The following UCK2 variants were observed in gnomAD, a reference collection of about 807,000 sequenced individuals.
UCK2 encodes the protein uridine-cytidine kinase 2.
A neutral mutation model predicts 30.8 loss-of-function variants in UCK2; 6 were observed. The observed-to-expected ratio is 0.19, with a 90% CI of 0.11 to 0.38. The LOEUF (loss-of-function observed/expected upper bound fraction) is 0.38. Ranked by LOEUF, UCK2 falls within the 10% of genes least tolerant of loss-of-function variation. The pLI, the probability that UCK2 is intolerant of heterozygous loss-of-function variation, is 1.00. For synonymous variants in UCK2, 125 were observed against 133.6 expected (o/e 0.94, Z 0.45); for missense variants, 210 against 339.8 (o/e 0.62, Z 3.00).
intron 1 of UCK2, among the ~76,000 whole-genome samples, chr1:165,861,482 G>T (rs11801732): frequency 2.7e-5 from 4 of 150,676 alleles, no homozygotes; most frequent in African/African-American, 9.8e-5. Flanking sequence ...CAAAAAATTA[G>T]CCGGGCGTAG....
intron 1 of UCK2, among the ~76,000 whole-genome samples, chr1:165,832,269 A>G (rs1257928769): frequency 6.6e-6 from 1 of 152,056 alleles, no homozygotes; most frequent in African/African-American, 2.4e-5. Flanking sequence ...TAGACTTACC[A>G]TATCTTTCTT....
chr1:165,888,945 A>G (rs1375864906), intron 1 of UCK2, among the ~76,000 whole-genome samples: 1 of 152,230 alleles, frequency 6.6e-6, no homozygotes, highest in Non-Finnish European at 1.5e-5. Context: ...CACTTGTTTC[A>G]TAATGTTCCT....
At chr1:165,846,784 T>C (rs1481109550) in intron 1 of UCK2, among the ~76,000 whole-genome samples, 3 of 152,212 alleles carry the variant, frequency 2.0e-5, no homozygotes, top group African/African-American at 7.2e-5. Context: ...ATGTTTTTCC[T>C]TTTTATTCCT....
chr1:165,902,472 A>AATT (rs1436627378), intron 4 of UCK2: 1 of 152,008 alleles, frequency 6.6e-6, no homozygotes, highest in Non-Finnish European at 1.5e-5. Flanking sequence ...CCCCTGGATA[A>AATT]AACTGACCGG....
intron 4 of UCK2, among the ~76,000 whole-genome samples, chr1:165,900,984 C>T (rs191619067): frequency 4.6e-5 from 7 of 152,196 alleles, no homozygotes; most frequent in East Asian, 1.9e-4. Context: ...AATTGGAGGC[C>T]GCGCTGGCTG....
intron 1 of UCK2, among the ~76,000 whole-genome samples, chr1:165,878,729 T>A (rs1381268469): frequency 1.3e-5 from 2 of 152,236 alleles, no homozygotes; most frequent in Non-Finnish European, 2.9e-5. Flanking sequence ...TAGTACATCT[T>A]GGTTGCTTGC....
At chr1:165,858,032 T>C (rs747860297) in intron 1 of UCK2, among the ~76,000 whole-genome samples, 5 of 152,112 alleles carry the variant, frequency 3.3e-5, no homozygotes, top group East Asian at 1.9e-4. Context: ...GTAAGCATGG[T>C]ATTAGGATTG....
At chr1:165,869,169 T>G (rs1237719879) in intron 1 of UCK2, among the ~76,000 whole-genome samples, 1 of 152,188 alleles carries the variant, frequency 6.6e-6, no homozygotes, top group East Asian at 1.9e-4. Flanking sequence ...ATAATTACAA[T>G]AGTAATGTCA....
chr1:165,877,481 C>T (rs1655368915), intron 1 of UCK2, among the ~76,000 whole-genome samples: 1 of 152,202 alleles, frequency 6.6e-6, no homozygotes. Flanking sequence ...TGGTCCACCA[C>T]TAATCGTTCC....
At chr1:165,864,787 C>G (rs756554613) in intron 1 of UCK2, among the ~76,000 whole-genome samples, 1 of 152,044 alleles carries the variant, frequency 6.6e-6, no homozygotes, top group Non-Finnish European at 1.5e-5. Context: ...TTAAGTGATC[C>G]TCCCACCTTA....
At chr1:165,828,774 G>T (rs11585115) in intron 1 of UCK2, among the ~76,000 whole-genome samples, 26,196 of 152,022 alleles carry the variant, frequency 0.17, 2,824 homozygotes, top group East Asian at 0.57. Flanking sequence ...AGCTTTACCC[G>T]GGGTTTTTTC....
chr1:165,900,110 G>A (rs72701905), intron 4 of UCK2: 2,777 of 152,304 alleles, frequency 0.018, 50 homozygotes, highest in Non-Finnish European at 0.026. Context: ...CAGCTGCCCT[G>A]CGGGACTCCT....
intron 1 of UCK2, among the ~76,000 whole-genome samples, chr1:165,844,279 C>T (rs148633787): frequency 6.6e-6 from 1 of 152,338 alleles, no homozygotes; most frequent in East Asian, 1.9e-4. Flanking sequence ...TCGTAGTTGA[C>T]ATTCAGTGTG....
chr1:165,878,191 T>C (rs908788947), intron 1 of UCK2, among the ~76,000 whole-genome samples: 1 of 152,196 alleles, frequency 6.6e-6, no homozygotes, highest in African/African-American at 2.4e-5. Context: ...GTTGTCCTCA[T>C]AGTTTTGCCT....
chr1:165,908,809 A>C lies in UCK2; in HGVS notation c.*986A>C, dbSNP rs932216374. ...TGTATTGTGGAATATAGAGTGGACCATTGCAGGCTGGGTGTGGGTGAGGGC... is the reference window on the plus strand; with the variant it reads ...TGTATTGTGGAATATAGAGTGGACCCTTGCAGGCTGGGTGTGGGTGAGGGC... On this transcript the variant is annotated 3_prime_UTR_variant, in exon 7 of 7. Coordinates refer to ENST00000367879, the MANE Select transcript of UCK2 (RefSeq NM_012474.5). The C allele has an allele frequency of 6.6e-6, 1 of 152,490 alleles. No homozygotes were observed. The highest frequency in any genetic ancestry group is 2.4e-5 in the African/African-American group (1 of 41,420). 9.4% of individuals were successfully genotyped at this position (152,490 alleles called of 1,614,324 possible).
At chr1:165,898,899 T>G (rs2101885923) in intron 4 of UCK2, among the ~76,000 whole-genome samples, 1 of 152,316 alleles carries the variant, frequency 6.6e-6, no homozygotes, top group African/African-American at 2.4e-5. Context: ...TAACTTCACA[T>G]GTCACCTACT....
At chr1:165,906,972 C>T (rs1036401981) in intron 6 of UCK2, among the ~76,000 whole-genome samples, 3 of 152,132 alleles carry the variant, frequency 2.0e-5, no homozygotes, top group South Asian at 2.1e-4. Flanking sequence ...TGTTCCCTAT[C>T]TTTTGTTTTT....
chr1:165,861,614 C>T (rs566051036), intron 1 of UCK2, among the ~76,000 whole-genome samples: 2 of 85,790 alleles, frequency 2.3e-5, no homozygotes, highest in Non-Finnish European at 4.1e-5. Context: ...GGCGACAGAG[C>T]GAGACTCCGT....
At chr1:165,882,093 G>A (rs1203992936) in intron 1 of UCK2, among the ~76,000 whole-genome samples, 2 of 152,178 alleles carry the variant, frequency 1.3e-5, no homozygotes, top group African/African-American at 4.8e-5. Context: ...TCTACGGAGA[G>A]CTTGGTCTGT....
Sources: allele counts gnomAD v4.1 joint callset (sites outside exome capture counted in the v4.1 genomes callset), GRCh38; gene constraint gnomAD v4.1.1; transcripts MANE v1.5; gene names NCBI Gene and HGNC (gene_info 2026-07-23, HGNC 2026-07-21).